Variants in PGBD5 observed in about 807,000 individuals in gnomAD.
PGBD5 encodes the protein piggyBac transposable element-derived protein 5.
Under a neutral mutation model 47.9 loss-of-function variants are expected in PGBD5, and 14 were observed. The observed-to-expected ratio is 0.29, with a 90% CI of 0.19 to 0.46. PGBD5 has a LOEUF of 0.46. Ranked by LOEUF, PGBD5 falls within the 20% of genes least tolerant of loss-of-function variation. The pLI, the probability that PGBD5 is intolerant of heterozygous loss-of-function variation, is 1.00. For missense variants in PGBD5, 635 were observed against 716.0 expected (o/e 0.89, Z 1.29); for synonymous variants, 316 against 306.3 (o/e 1.03, Z -0.33).
intron 1 of PGBD5, among the ~76,000 whole-genome samples, chr1:230,385,000 G>C (rs2102728527): frequency 6.6e-6 from 1 of 152,288 alleles, no homozygotes; most frequent in African/African-American, 2.4e-5. Flanking sequence ...ACTCAACTTT[G>C]CTTTCAGCGA....
chr1:230,363,441 G>T (rs547580586), intron 1 of PGBD5, among the ~76,000 whole-genome samples: 1 of 152,252 alleles, frequency 6.6e-6, no homozygotes, highest in South Asian at 2.1e-4. Flanking sequence ...AATTAGCTGG[G>T]TGTGGTGGCG....
chr1:230,406,176 C>T (rs1450982662), intron 1 of PGBD5, among the ~76,000 whole-genome samples: 3 of 151,750 alleles, frequency 2.0e-5, no homozygotes, highest in Non-Finnish European at 2.9e-5. Flanking sequence ...GGCATGGTGG[C>T]GGGCGCCTGT....
intron 1 of PGBD5, among the ~76,000 whole-genome samples, chr1:230,373,039 T>C (rs2102719500): frequency 6.6e-6 from 1 of 152,340 alleles, no homozygotes; most frequent in East Asian, 1.9e-4. Flanking sequence ...AATAAAGGCT[T>C]CATGAATATC....
chr1:230,403,836 G>A (rs2102743536), intron 1 of PGBD5, among the ~76,000 whole-genome samples: 1 of 152,262 alleles, frequency 6.6e-6, no homozygotes, highest in South Asian at 2.1e-4. Context: ...AACACACAAG[G>A]GGGACCGCCC....
chr1:230,366,887 G>A (rs55756832), intron 1 of PGBD5, among the ~76,000 whole-genome samples: 3,444 of 152,254 alleles, frequency 0.023, 56 homozygotes, highest in Non-Finnish European at 0.033. Context: ...AGCCACCACA[G>A]TTTATATTTC....
At chr1:230,372,983 C>T (rs775895964) in intron 1 of PGBD5, among the ~76,000 whole-genome samples, 19 of 152,156 alleles carry the variant, frequency 1.2e-4, no homozygotes, top group Non-Finnish European at 2.1e-4. Context: ...AATGAAACAC[C>T]AGTAGATAAA....
intron 1 of PGBD5, among the ~76,000 whole-genome samples, chr1:230,393,997 T>C (rs1312869272): frequency 2.0e-5 from 3 of 152,096 alleles, no homozygotes; most frequent in African/African-American, 7.3e-5. Context: ...TTCTGGCTCA[T>C]TCCGCCCCTG....
In PGBD5 at chr1:230,333,022, C is replaced by A. The variant is rs78958404; in HGVS notation, c.1095G>T (p.Leu365Phe). Residue 365 changes from leucine to phenylalanine, a missense_variant, in exon 5 of 7, where the codon TTG (leucine) becomes TTT (phenylalanine). Coordinates refer to ENST00000391860, the MANE Select transcript of PGBD5 (RefSeq NM_001258311.2). ...TGCAGTCACTCTTCCGCGCGCGGAG[C>A]AAGCCGCAGCAGTAAATCCCTGAGG... ...FEKQGIYCCG[L>F]LRARKSDCTG... is the part of the protein sequence containing the mutation. 1.2e-6 allele frequency: 2 copies of A among 1,600,040 alleles called. No individual in the cohort carries two copies. Among genetic ancestry groups the A allele is most frequent in the Admixed American group, 1.8e-5 (1 of 56,302 alleles).
intron 1 of PGBD5, among the ~76,000 whole-genome samples, chr1:230,359,268 T>C (rs1002830230): frequency 6.6e-6 from 1 of 152,164 alleles, no homozygotes; most frequent in Admixed American, 6.5e-5. Context: ...TGCCTATCTC[T>C]GCCCAGGCTG....
chr1:230,376,457 T>C (rs1264418146), intron 1 of PGBD5, among the ~76,000 whole-genome samples: 1 of 152,132 alleles, frequency 6.6e-6, no homozygotes, highest in Non-Finnish European at 1.5e-5. Flanking sequence ...GCTGAGTGGA[T>C]TCTGGCACCA....
intron 5 of PGBD5, 134 bp from the exon 6 acceptor site, chr1:230,325,549 G>A: frequency 1.5e-6 from 1 of 670,546 alleles, no homozygotes; most frequent in Admixed American, 2.6e-5. Flanking sequence ...GGAGGGAAGA[G>A]TTGAAGAAGA....
intron 3 of PGBD5, among the ~76,000 whole-genome samples, chr1:230,347,882 C>T (rs1393986050): frequency 2.6e-5 from 4 of 152,194 alleles, no homozygotes; most frequent in Non-Finnish European, 5.9e-5. Context: ...TACTAAGCTC[C>T]CAGGTTTTCA....
chr1:230,390,078 G>T (rs892860322), intron 1 of PGBD5, among the ~76,000 whole-genome samples: 1 of 152,164 alleles, frequency 6.6e-6, no homozygotes, highest in African/African-American at 2.4e-5. Context: ...ATTGGGATAG[G>T]ACCCAAAATG....
At chr1:230,337,078 G>GT in intron 4 of PGBD5, 30 bp downstream of exon 4, 3 of 1,605,306 alleles carry the variant, frequency 1.9e-6, no homozygotes, top group Non-Finnish European at 1.7e-6. Flanking sequence ...AGGCTGGGCC[G>GT]TATCCTCACT....
intron 5 of PGBD5, among the ~76,000 whole-genome samples, chr1:230,327,915 G>C (rs1415021219): frequency 6.6e-6 from 1 of 152,206 alleles, no homozygotes; most frequent in East Asian, 1.9e-4. Flanking sequence ...GCTATGTTTT[G>C]ATTTGCCTGA....
intron 1 of PGBD5, among the ~76,000 whole-genome samples, chr1:230,377,236 AAG>A (rs1668027715): frequency 6.6e-6 from 1 of 152,206 alleles, no homozygotes; most frequent in African/African-American, 2.4e-5. Context: ...CCTCCAACAG[AAG>A]AGAGGGACAG....
rs111702704 is a variant in PGBD5 at position 230,359,163 on chromosome 1, G to C, written c.332-1842C>G. Reference sequence around the variant, plus strand: ...TGAAACCTCCACCTCCCAGGTTCAAGCAATTCTCCTGCCTCAGCCTCCTGA... The same window carrying C: ...TGAAACCTCCACCTCCCAGGTTCAACCAATTCTCCTGCCTCAGCCTCCTGA... On this transcript the variant is annotated intron_variant, in intron 1 of 6. Transcript: ENST00000391860. Among the ~76,000 whole-genome samples, 578 of 152,088 alleles carry C rather than the reference G, an allele frequency of 3.8e-3. 3 individuals carry two copies. Among genetic ancestry groups the C allele is most frequent in the African/African-American group, 0.013 (553 of 41,488 alleles).
At chr1:230,363,431 A>G (rs1221182347) in intron 1 of PGBD5, among the ~76,000 whole-genome samples, 7 of 152,028 alleles carry the variant, frequency 4.6e-5, no homozygotes, top group Non-Finnish European at 8.8e-5. Flanking sequence ...AAAATACAAA[A>G]ATTAGCTGGG....
intron 5 of PGBD5, among the ~76,000 whole-genome samples, chr1:230,331,922 A>G (rs1162945390): frequency 6.7e-6 from 1 of 150,034 alleles, no homozygotes; most frequent in Non-Finnish European, 1.5e-5. Context: ...CTGAGGCGTG[A>G]TGCAACTTAA....
Sources: allele counts gnomAD v4.1 joint callset (sites outside exome capture counted in the v4.1 genomes callset), GRCh38; gene constraint gnomAD v4.1.1; transcripts MANE v1.5; gene names NCBI Gene and HGNC (gene_info 2026-07-23, HGNC 2026-07-21).